Variants in ARFIP1 observed in about 807,000 individuals in gnomAD.
ARFIP1 encodes arfaptin-1.
ARFIP1 carries 24 observed loss-of-function variants against 42.5 expected under a neutral mutation model. The observed-to-expected ratio is 0.57, with a 90% confidence interval of 0.41 to 0.80. The LOEUF (loss-of-function observed/expected upper bound fraction) is 0.80, where lower values mean the gene tolerates loss of function less well. Ranked by LOEUF, ARFIP1 falls within the 30% of genes least tolerant of loss-of-function variation. ARFIP1 has a pLI of 0.00. For synonymous variants in ARFIP1, 141 were observed against 153.7 expected (o/e 0.92, Z 0.61); for missense variants, 354 against 434.0 (o/e 0.82, Z 1.64).
At position 152,787,834 on chromosome 4, in the gene ARFIP1, C is replaced by T. The variant is rs1333655926; in HGVS notation, c.-10+7608C>T. 2.2e-4 allele frequency among the ~76,000 whole-genome samples: 33 copies of T among 152,192 alleles called. 1 individual carries two copies. The highest frequency in any genetic ancestry group is 2.2e-3 in the Admixed American group (33 of 15,284). ...GAAATATTCCAAATGCCAAAAAAATCTGAAATCCAAAACATTTCTAGTCTC... is the reference window on the plus strand; with the variant it reads ...GAAATATTCCAAATGCCAAAAAAATTTGAAATCCAAAACATTTCTAGTCTC... On this transcript the variant is annotated intron_variant, in intron 1 of 8. Coordinates refer to ENST00000353617, the MANE Select transcript of ARFIP1 (RefSeq NM_001025595.3).
chr4:152,819,828 C>G (rs78225519), intron 1 of ARFIP1, among the ~76,000 whole-genome samples: 2,419 of 152,236 alleles, frequency 0.016, 62 homozygotes, highest in African/African-American at 0.055. Flanking sequence ...GATTACTTCT[C>G]CCTCTTGCCC....
chr4:152,900,598 A>C (rs1371265417), intron 8 of ARFIP1, among the ~76,000 whole-genome samples: 3 of 152,200 alleles, frequency 2.0e-5, no homozygotes, highest in Non-Finnish European at 4.4e-5. Flanking sequence ...AGTTGCTTTA[A>C]CATGACAGGC....
intron 5 of ARFIP1, among the ~76,000 whole-genome samples, chr4:152,876,253 TC>T (rs1321225524): frequency 2.0e-5 from 3 of 152,184 alleles, no homozygotes; most frequent in Non-Finnish European, 2.9e-5. Flanking sequence ...GTTTGGAACT[TC>T]CTAGAGATTT....
intron 1 of ARFIP1, among the ~76,000 whole-genome samples, chr4:152,805,462 C>T (rs1164752472): frequency 6.6e-6 from 1 of 152,218 alleles, no homozygotes; most frequent in Non-Finnish European, 1.5e-5. Flanking sequence ...GCAGTTTGCA[C>T]TGCCAATACC....
chr4:152,788,704 C>T (rs968653606), intron 1 of ARFIP1, among the ~76,000 whole-genome samples: 1 of 151,760 alleles, frequency 6.6e-6, no homozygotes, highest in African/African-American at 2.4e-5. Flanking sequence ...CAAAAACATA[C>T]TACATTAGCA....
chr4:152,910,688 A>C lies in ARFIP1; in HGVS notation c.*469A>C, dbSNP rs995581928. ...TTAAAGAAAAAAGAAACTATTTTGC[A>C]GAGTAAAGTTATATGGTGTTCCTGC... On this transcript the variant is annotated 3_prime_UTR_variant, in exon 9 of 9. Coordinates refer to ENST00000353617, the MANE Select transcript of ARFIP1 (RefSeq NM_001025595.3). The C allele has an allele frequency of 1.3e-5, 2 of 153,492 alleles. No homozygotes were observed. The highest frequency in any genetic ancestry group is 4.8e-5 in the African/African-American group (2 of 41,468). 9.5% of individuals were successfully genotyped at this position (153,492 alleles called of 1,614,324 possible).
intron 1 of ARFIP1, among the ~76,000 whole-genome samples, chr4:152,808,282 C>CCTTTTTTTTTTTTT (rs1729145464): frequency 1.3e-4 from 2 of 15,552 alleles, no homozygotes; most frequent in Admixed American, 6.6e-4. Context: ...GCCTGGCCTC[C>CCTTTTTTTTTTTTT]ATTTTTTTTT....
chr4:152,854,739 CTG>C (rs1323813113), intron 2 of ARFIP1, among the ~76,000 whole-genome samples: 1 of 152,192 alleles, frequency 6.6e-6, no homozygotes, highest in Non-Finnish European at 1.5e-5. Context: ...TTAGTGGTAT[CTG>C]TGATTTTCCT....
rs371803660 is a variant in ARFIP1, at chr4:152,825,000, T to TAC, written c.-9-4614_-9-4613dup. Among the ~76,000 whole-genome samples the TAC allele has an allele frequency of 2.4e-3, 361 of 150,618 alleles. 2 individuals are homozygous for TAC. The highest frequency in any genetic ancestry group is 8.2e-3 in the African/African-American group (338 of 41,090). ...ACATACACACACACACACATACATATACACACACACACTTAACCAAGGAGG... is the reference window on the plus strand; with the variant it reads ...ACATACACACACACACACATACATATACACACACACACACTTAACCAAGGAGG... On this transcript the variant is annotated intron_variant, in intron 1 of 8. Coordinates refer to ENST00000353617, the MANE Select transcript of ARFIP1 (RefSeq NM_001025595.3).
intron 1 of ARFIP1, among the ~76,000 whole-genome samples, chr4:152,789,829 T>TTTTG (rs775375641): frequency 2.2e-4 from 34 of 152,160 alleles, no homozygotes; most frequent in African/African-American, 6.8e-4. Context: ...TTTGTTCTTG[T>TTTTG]TTTGTTTGTT....
At chr4:152,814,419 A>T (rs964865685) in intron 1 of ARFIP1, among the ~76,000 whole-genome samples, 7 of 152,080 alleles carry the variant, frequency 4.6e-5, no homozygotes, top group African/African-American at 1.2e-4. Flanking sequence ...TCACTTTAAA[A>T]ATGTTTCAGC....
At chr4:152,796,650 C>A in intron 1 of ARFIP1, 1 of 887,300 alleles carries the variant, frequency 1.1e-6, no homozygotes, top group South Asian at 1.4e-5. Flanking sequence ...TCTTGATGGT[C>A]TTTTTTATTT....
rs533595148 is a variant in ARFIP1 at position 152,886,079 on chromosome 4, C to T, written c.792-2054C>T. ...AACTAACTAGTTATTATTGCCAAGT[C>T]AGTCTTGCCTCCTAAATCTTTTGTA... On this transcript the variant is annotated intron_variant, in intron 7 of 8. Transcript: ENST00000353617. 1.6e-3 allele frequency among the ~76,000 whole-genome samples: 240 copies of T among 152,148 alleles called. 2 individuals carry two copies. Among genetic ancestry groups the T allele is most frequent in the Non-Finnish European group, 2.8e-3 (187 of 67,922 alleles).
chr4:152,907,526 A>G (rs1021883990), intron 8 of ARFIP1, among the ~76,000 whole-genome samples: 2 of 152,086 alleles, frequency 1.3e-5, no homozygotes, highest in Non-Finnish European at 2.9e-5. Context: ...CTATAAACCT[A>G]TTCTGAATTT....
At chr4:152,882,273 A>G (rs1271199721) in intron 6 of ARFIP1, among the ~76,000 whole-genome samples, 1 of 151,688 alleles carries the variant, frequency 6.6e-6, no homozygotes, top group Non-Finnish European at 1.5e-5. Flanking sequence ...TAATATTTAT[A>G]CTTTGAGGAG....
intron 1 of ARFIP1, among the ~76,000 whole-genome samples, chr4:152,798,819 A>C (rs931011321): frequency 6.6e-6 from 1 of 152,252 alleles, no homozygotes; most frequent in African/African-American, 2.4e-5. Flanking sequence ...AGAATTCTTC[A>C]TATGTAGTTG....
chr4:152,895,720 C>T (rs1007532683), intron 8 of ARFIP1, among the ~76,000 whole-genome samples: 9 of 151,538 alleles, frequency 5.9e-5, no homozygotes, highest in African/African-American at 2.2e-4. Context: ...GCTGCTAGGC[C>T]TGGATAATTT....
In ARFIP1 at chr4:152,846,396, AAGAGCAT is replaced by A. The variant is rs1561138787; in HGVS notation, c.93+16672_93+16678del. ...GCACACACACGCACACACACACACA[AAGAGCAT>A]ATGAGTCATTTACATATTTAATAGT... On this transcript the variant is annotated intron_variant, in intron 2 of 8. Transcript: ENST00000353617. 6.6e-5 allele frequency among the ~76,000 whole-genome samples: 10 copies of A among 152,182 alleles called. No individual in the cohort carries two copies. In the South Asian group the frequency reaches 1.9e-3, roughly 28 times the overall value.
intron 1 of ARFIP1, among the ~76,000 whole-genome samples, chr4:152,817,986 A>C (rs1472806771): frequency 6.6e-6 from 1 of 152,256 alleles, no homozygotes; most frequent in Non-Finnish European, 1.5e-5. Context: ...AGAGATTGGA[A>C]TCCTTGTGCA....
Sources: allele counts gnomAD v4.1 joint callset (sites outside exome capture counted in the v4.1 genomes callset), GRCh38; gene constraint gnomAD v4.1.1; transcripts MANE v1.5; gene names NCBI Gene and HGNC (gene_info 2026-07-23, HGNC 2026-07-21).